RIN2: variants seen among roughly 807,000 people sequenced by gnomAD.
RIN2 encodes RAB5 interacting protein 2.
Under a neutral mutation model 78.0 loss-of-function variants are expected in RIN2, and 36 were observed. The observed-to-expected ratio is 0.46, with a 90% CI of 0.35 to 0.61. The LOEUF is 0.61. Among genes scored for constraint, RIN2 ranks in the 20% least tolerant of loss-of-function variants. The pLI is 0.00. For synonymous variants in RIN2, 466 were observed against 466.8 expected (o/e 1.00, Z 0.02); for missense variants, 1,087 against 1,159.7 (o/e 0.94, Z 0.91).
At chr20:19,977,922 A>C (rs2042331997) in intron 9 of RIN2, among the ~76,000 whole-genome samples, 1 of 152,112 alleles carries the variant, frequency 6.6e-6, no homozygotes. Context: ...GTGAAACAGC[A>C]TTCTGTTTTG....
chr20:19,833,805 T>G (rs577607517), intron 2 of RIN2, among the ~76,000 whole-genome samples: 70 of 152,256 alleles, frequency 4.6e-4, no homozygotes, highest in Non-Finnish European at 8.1e-4. Context: ...CGTGGCTGAC[T>G]AGCACAGGGG....
At position 19,924,809 on chromosome 20, in the gene RIN2, G is replaced by A. The variant is rs186444021; in HGVS notation, c.58-10290G>A. ...GGCTGTAGTGCAGTGGTGCAATCTC[G>A]GCTCACAGCAACCTCTGCCTCCTGG... On this transcript the variant is annotated intron_variant, in intron 3 of 12. Transcript: ENST00000255006. Among the ~76,000 whole-genome samples, 598 of 112,544 alleles carry A rather than the reference G, an allele frequency of 5.3e-3. 12 individuals are homozygous for A. The highest frequency in any genetic ancestry group is 0.025 in the Middle Eastern group (4 of 162). 73.8% of individuals were successfully genotyped at this position (112,544 alleles called of 152,430 possible). A position where few individuals can be genotyped will look rare whatever the true frequency, so the allele number is the denominator to read the frequency against.
intron 1 of RIN2, among the ~76,000 whole-genome samples, chr20:19,784,562 T>C (rs544377070): frequency 3.3e-5 from 5 of 152,066 alleles, no homozygotes; most frequent in African/African-American, 1.2e-4. Flanking sequence ...CTTAAAAAAA[T>C]TTACCCAAAT....
chr20:19,816,631 G>C lies in RIN2; in HGVS notation c.-37+16884G>C, dbSNP rs76373066. Among the ~76,000 whole-genome samples the C allele has an allele frequency of 2.0e-3, 299 of 152,334 alleles. 1 individual carries two copies. Among genetic ancestry groups the C allele is most frequent in the African/African-American group, 6.7e-3 (279 of 41,580 alleles). On this transcript the variant is annotated intron_variant, in intron 2 of 12. Transcript: ENST00000255006. ...GAGGTGGAAATGCAAACAGAAAACAGTGCACCCGGGTAGAAGTTGCATGTG... is the reference window on the plus strand; with the variant it reads ...GAGGTGGAAATGCAAACAGAAAACACTGCACCCGGGTAGAAGTTGCATGTG...
chr20:19,929,620 C>T (rs978254590), intron 3 of RIN2, among the ~76,000 whole-genome samples: 4 of 152,234 alleles, frequency 2.6e-5, no homozygotes, highest in South Asian at 4.1e-4. Context: ...CCTCAGCCTC[C>T]GGAAGTGCTG....
intron 2 of RIN2, among the ~76,000 whole-genome samples, chr20:19,802,083 A>G (rs2035259400): frequency 6.6e-6 from 1 of 152,236 alleles, no homozygotes; most frequent in South Asian, 2.1e-4. Flanking sequence ...GCCAATATAT[A>G]ACATTGGAGA....
At position 19,933,370 on chromosome 20, in the gene RIN2, C is replaced by A. The variant is rs1276958330; in HGVS notation, c.58-1729C>A. On this transcript the variant is annotated intron_variant, in intron 3 of 12. Transcript: ENST00000255006. ...CCATGTGGAGGGCTCTTCCTTTGAT[C>A]TTTTCATGGCATTCTTGTCATTCAA... 3.3e-5 allele frequency among the ~76,000 whole-genome samples: 5 copies of A among 152,176 alleles called. No homozygotes were observed. In the South Asian group the frequency reaches 8.3e-4, roughly 25 times the overall value.
At chr20:19,761,004 G>T (rs1211468057) in intron 1 of RIN2, among the ~76,000 whole-genome samples, 1 of 152,264 alleles carries the variant, frequency 6.6e-6, no homozygotes, top group East Asian at 1.9e-4. Context: ...TCAAGGAGGG[G>T]GTGTTGAATG....
intron 3 of RIN2, among the ~76,000 whole-genome samples, chr20:19,899,536 T>C (rs566874517): frequency 6.6e-6 from 1 of 152,344 alleles, no homozygotes; most frequent in East Asian, 1.9e-4. Flanking sequence ...GTCAGAGATC[T>C]AAACGCAGTT....
intron 3 of RIN2, among the ~76,000 whole-genome samples, chr20:19,919,633 C>T (rs1001772697): frequency 1.1e-4 from 17 of 151,826 alleles, no homozygotes; most frequent in Non-Finnish European, 2.4e-4. Flanking sequence ...TGGTGAAACC[C>T]CGTCTCTACT....
At chr20:19,977,032 C>T (rs565932282) in intron 9 of RIN2, among the ~76,000 whole-genome samples, 1 of 152,286 alleles carries the variant, frequency 6.6e-6, no homozygotes, top group South Asian at 2.1e-4. Flanking sequence ...TGTGAGGTGC[C>T]TTCTAATTGA....
intron 2 of RIN2, among the ~76,000 whole-genome samples, chr20:19,847,109 A>C (rs2036809926): frequency 6.6e-6 from 1 of 152,230 alleles, no homozygotes; most frequent in Non-Finnish European, 1.5e-5. Context: ...CCCTGCAGTC[A>C]ACATTGTTTT....
At chr20:19,826,083 G>A (rs917953032) in intron 2 of RIN2, among the ~76,000 whole-genome samples, 1 of 147,530 alleles carries the variant, frequency 6.8e-6, no homozygotes, top group African/African-American at 2.5e-5. Context: ...GCTAATATAT[G>A]CATTATTATG....
chr20:19,961,045 C>G (rs1167303388), intron 6 of RIN2, among the ~76,000 whole-genome samples: 6 of 152,140 alleles, frequency 3.9e-5, no homozygotes, highest in Non-Finnish European at 7.3e-5. Flanking sequence ...AAGTGTGCAG[C>G]CTACTGCATG....
intron 9 of RIN2, among the ~76,000 whole-genome samples, chr20:19,984,996 C>T (rs1305174465): frequency 1.3e-5 from 2 of 152,158 alleles, no homozygotes; most frequent in African/African-American, 4.8e-5. Context: ...ATTCTGATGG[C>T]TGTCCAGACA....
At chr20:19,861,368 G>A (rs1463009901) in intron 2 of RIN2, among the ~76,000 whole-genome samples, 1 of 152,178 alleles carries the variant, frequency 6.6e-6, no homozygotes, top group Non-Finnish European at 1.5e-5. Flanking sequence ...CCTTGACAAA[G>A]ATTCTTGGCT....
intron 2 of RIN2, among the ~76,000 whole-genome samples, chr20:19,834,574 C>T (rs1195808128): frequency 2.0e-5 from 3 of 152,312 alleles, no homozygotes; most frequent in Non-Finnish European, 4.4e-5. Flanking sequence ...ATCAAGAATA[C>T]TGGTGTGAAG....
chr20:19,932,957 C>T (rs1438664473), intron 3 of RIN2, among the ~76,000 whole-genome samples: 5 of 152,156 alleles, frequency 3.3e-5, no homozygotes, highest in African/African-American at 1.2e-4. Flanking sequence ...CGGAGCCATC[C>T]TTGATTATTC....
chr20:19,896,909 A>G (rs1027866133), intron 3 of RIN2, among the ~76,000 whole-genome samples: 1 of 152,238 alleles, frequency 6.6e-6, no homozygotes, highest in East Asian at 1.9e-4. Flanking sequence ...TCAAAATATC[A>G]TCATGTCAAC....
Sources: allele counts gnomAD v4.1 joint callset (sites outside exome capture counted in the v4.1 genomes callset), GRCh38; gene constraint gnomAD v4.1.1; transcripts MANE v1.5; gene names NCBI Gene and HGNC (gene_info 2026-07-23, HGNC 2026-07-21).